PTPRM: variants seen among roughly 807,000 people sequenced by gnomAD.
PTPRM encodes the protein receptor-type tyrosine-protein phosphatase mu.
In PTPRM, 47 loss-of-function variants were observed where a neutral mutation model predicts 186.7. That is an observed-to-expected ratio of 0.25 (90% confidence interval 0.20 to 0.32). The LOEUF (loss-of-function observed/expected upper bound fraction) is 0.32. PTPRM is among the 10% of genes least tolerant of loss of function. PTPRM has a pLI of 1.00. For missense variants in PTPRM, 1,494 were observed against 1,865.0 expected (o/e 0.80, Z 3.66); for synonymous variants, 668 against 674.9 (o/e 0.99, Z 0.16).
chr18:8,376,278 T>C, intron 25 of PTPRM, 78 bp downstream of exon 25: 16 of 1,565,928 alleles, frequency 1.0e-5, no homozygotes, highest in Non-Finnish European at 1.4e-5. Context: ...ATGATGAGTA[T>C]GTTTTAGAAC....
rs1422644364 is a variant in PTPRM at position 7,766,568 on chromosome 18, A to T, written c.74-7581A>T. ...TGGCCGTGAAAGTTATTCATAGGGA[A>T]TGTTCTGCTGGAGGCACTTGCTACA... On this transcript the variant is annotated intron_variant, in intron 1 of 32. Transcript: ENST00000580170. Among the ~76,000 whole-genome samples, 4 of 152,152 alleles carry T rather than the reference A, an allele frequency of 2.6e-5. No homozygotes were observed. In the East Asian group the frequency reaches 7.7e-4, roughly 29 times the overall value.
intron 14 of PTPRM, among the ~76,000 whole-genome samples, chr18:8,201,891 T>C (rs2093863487): frequency 1.3e-5 from 2 of 152,222 alleles, no homozygotes; most frequent in Admixed American, 6.5e-5. Flanking sequence ...TTCAACATCA[T>C]TGGAGAACAC....
intron 20 of PTPRM, among the ~76,000 whole-genome samples, chr18:8,309,960 C>G (rs1242967107): frequency 1.3e-5 from 2 of 152,174 alleles, no homozygotes; most frequent in Non-Finnish European, 2.9e-5. Context: ...ACAACCTACT[C>G]CATATCTCTA....
chr18:7,844,221 G>A (rs539555046), intron 2 of PTPRM, among the ~76,000 whole-genome samples: 80 of 152,246 alleles, frequency 5.3e-4, no homozygotes, highest in African/African-American at 1.7e-3. Context: ...CCATGATTGC[G>A]AAATACAATG....
At chr18:8,059,089 T>G (rs1199665288) in intron 7 of PTPRM, among the ~76,000 whole-genome samples, 1 of 149,450 alleles carries the variant, frequency 6.7e-6, no homozygotes, top group Non-Finnish European at 1.5e-5. Context: ...CCCATGAGCA[T>G]GGAATGTTCT....
chr18:7,775,811 C>A (rs1598643572), intron 2 of PTPRM, among the ~76,000 whole-genome samples: 1 of 152,222 alleles, frequency 6.6e-6, no homozygotes, highest in Admixed American at 6.5e-5. Context: ...AGAATCTTTT[C>A]TAGCCTCTCC....
chr18:7,644,225 A>G (rs1366254677), intron 1 of PTPRM, among the ~76,000 whole-genome samples: 1 of 152,156 alleles, frequency 6.6e-6, no homozygotes, highest in African/African-American at 2.4e-5. Context: ...ACACCCTGTT[A>G]TTTGTGTTTA....
At chr18:8,342,964 A>G (rs768101442) in intron 22 of PTPRM, among the ~76,000 whole-genome samples, 30 of 152,338 alleles carry the variant, frequency 2.0e-4, no homozygotes, top group Admixed American at 6.5e-4. Flanking sequence ...TTTGACAGAT[A>G]GCACAGAATA....
At chr18:7,599,594 A>G (rs2037349497) in intron 1 of PTPRM, among the ~76,000 whole-genome samples, 1 of 152,208 alleles carries the variant, frequency 6.6e-6, no homozygotes, top group Non-Finnish European at 1.5e-5. Flanking sequence ...CAGTTGCCAC[A>G]GCAGAGTTTC....
intron 1 of PTPRM, among the ~76,000 whole-genome samples, chr18:7,682,009 T>C (rs1233898548): frequency 6.6e-6 from 1 of 152,196 alleles, no homozygotes; most frequent in Non-Finnish European, 1.5e-5. Flanking sequence ...CAGTGCTAGA[T>C]GTATGTTTAT....
chr18:8,255,931 T>C (rs1426367209), intron 19 of PTPRM, among the ~76,000 whole-genome samples: 1 of 152,208 alleles, frequency 6.6e-6, no homozygotes, highest in Non-Finnish European at 1.5e-5. Flanking sequence ...CTGGTCTTGA[T>C]GGAGGCACAG....
At position 8,297,572 on chromosome 18, in the gene PTPRM, C is replaced by T. The variant is rs898845157; in HGVS notation, c.2842+1117C>T. The stretch of plus-strand genomic sequence containing the variant: ...CGTACGACTGAGAAACTGAATTTTA[C>T]TTTATTTCTTGTTTTTGCTGTTCAA... On this transcript the variant is annotated intron_variant, in intron 20 of 32. Coordinates refer to ENST00000580170, the MANE Select transcript of PTPRM (RefSeq NM_001105244.2). 2.0e-5 allele frequency among the ~76,000 whole-genome samples: 3 copies of T among 152,162 alleles called. No individual in the cohort carries two copies. The East Asian group carries it at 5.8e-4, about 29-fold the overall frequency.
At chr18:7,817,850 G>A (rs113705913) in intron 2 of PTPRM, among the ~76,000 whole-genome samples, 8 of 152,288 alleles carry the variant, frequency 5.3e-5, no homozygotes, top group South Asian at 2.1e-4. Context: ...CTGACTGCTG[G>A]TCTCCGCTTG....
At position 7,725,705 on chromosome 18, in the gene PTPRM, C is replaced by T. The variant is rs1298238240; in HGVS notation, c.74-48444C>T. Reference sequence around the variant, plus strand: ...GCTTTGGAGAGGATTCTGGCCAGGACGGCTGGACTCCAAGGGAACATTACC... The same window carrying T: ...GCTTTGGAGAGGATTCTGGCCAGGATGGCTGGACTCCAAGGGAACATTACC... On this transcript the variant is annotated intron_variant, in intron 1 of 32. Transcript: ENST00000580170. Among the ~76,000 whole-genome samples, 10 of 152,224 alleles carry T rather than the reference C, an allele frequency of 6.6e-5. No individual in the cohort carries two copies. In the East Asian group the frequency reaches 1.7e-3, roughly 27 times the overall value.
intron 11 of PTPRM, among the ~76,000 whole-genome samples, chr18:8,090,280 T>TG (rs2090642325): frequency 6.6e-6 from 1 of 152,180 alleles, no homozygotes; most frequent in Non-Finnish European, 1.5e-5. Flanking sequence ...ACCATGGCCT[T>TG]GGGAGTGTCA....
chr18:7,662,985 A>C lies in PTPRM; in HGVS notation c.73+95094A>C, dbSNP rs944902635. The stretch of plus-strand genomic sequence containing the variant: ...CTGGAATACTTGCTTAGGACAGAGT[A>C]AGTGTTCTGAACTTGTTTTTGAAAT... On this transcript the variant is annotated intron_variant, in intron 1 of 32. Transcript: ENST00000580170. Among the ~76,000 whole-genome samples the C allele has an allele frequency of 3.3e-5, 5 of 152,322 alleles. No individual in the cohort carries two copies. In the East Asian group the frequency reaches 9.6e-4, roughly 29 times the overall value.
intron 29 of PTPRM, among the ~76,000 whole-genome samples, chr18:8,381,136 A>G (rs2095732413): frequency 6.6e-6 from 1 of 152,222 alleles, no homozygotes; most frequent in Non-Finnish European, 1.5e-5. Flanking sequence ...ACTCAATGTT[A>G]GTAATGGAGT....
intron 7 of PTPRM, among the ~76,000 whole-genome samples, chr18:8,031,166 T>G (rs1458485778): frequency 6.6e-6 from 1 of 152,228 alleles, no homozygotes; most frequent in Non-Finnish European, 1.5e-5. Flanking sequence ...TAGTAAACAC[T>G]TTAGTTAGCA....
At chr18:8,393,537 T>C (rs1247624036) in intron 31 of PTPRM, among the ~76,000 whole-genome samples, 1 of 152,148 alleles carries the variant, frequency 6.6e-6, no homozygotes, top group Admixed American at 6.5e-5. Context: ...AAAAGGACAT[T>C]CGTGGAGGAA....
Sources: gnomAD v4.1 joint callset for allele counts (sites outside exome capture counted in the v4.1 genomes callset) on GRCh38, gnomAD v4.1.1 for gene constraint, MANE v1.5 for transcripts, NCBI Gene and HGNC (gene_info 2026-07-23, HGNC 2026-07-21) for gene names.